Variants in RRM2 observed in about 807,000 individuals in gnomAD.
RRM2 encodes ribonucleotide reductase regulatory subunit M2.
Under a neutral mutation model 45.9 loss-of-function variants are expected in RRM2, and 6 were observed. The ratio of observed to expected loss-of-function variants is 0.13; its 90% confidence interval spans 0.07 to 0.26. RRM2 has a LOEUF of 0.26. Among genes scored for constraint, RRM2 ranks in the 10% least tolerant of loss-of-function variants. The pLI, the probability that RRM2 is intolerant of heterozygous loss-of-function variation, is 1.00. For synonymous variants in RRM2, 177 were observed against 173.0 expected (o/e 1.02, Z -0.18); for missense variants, 343 against 489.5 (o/e 0.70, Z 2.82).
At chr2:10,157,349 A>G (rs1454140873) in intron 3 of RRM2, among the ~76,000 whole-genome samples, 3 of 152,066 alleles carry the variant, frequency 2.0e-5, no homozygotes, top group Admixed American at 6.5e-5. Flanking sequence ...ATTTTTTTAA[A>G]CTAAATTATT....
At chr2:10,122,926 A>G in intron 1 of RRM2, 29 bp downstream of exon 1, 3 of 1,553,288 alleles carry the variant, frequency 1.9e-6, no homozygotes, top group East Asian at 4.7e-5. Flanking sequence ...CGCTGCGGGC[A>G]GGGGAGGGAG....
downstream of RRM2, among the ~76,000 whole-genome samples, chr2:10,132,541 G>T (rs1662921287): frequency 6.6e-6 from 1 of 152,190 alleles, no homozygotes; most frequent in South Asian, 2.1e-4. Context: ...TGAGGGCACA[G>T]ATTTTTATCT....
chr2:10,163,492 T>C (rs1375641048), intron 3 of RRM2, among the ~76,000 whole-genome samples: 1 of 152,052 alleles, frequency 6.6e-6, no homozygotes, highest in Non-Finnish European at 1.5e-5. Context: ...CCAGTGAGGG[T>C]TGGTTGTGTG....
At chr2:10,201,800 A>G (rs1293646875) in intron 3 of RRM2, among the ~76,000 whole-genome samples, 4 of 152,210 alleles carry the variant, frequency 2.6e-5, no homozygotes, top group Admixed American at 6.5e-5. Context: ...ACCTTGGAAC[A>G]CATACCAAAA....
chr2:10,183,905 T>A lies in RRM2; in HGVS notation n.483-26406T>A, dbSNP rs1391939445. Among the ~76,000 whole-genome samples, 10 of 151,122 alleles carry A rather than the reference T, an allele frequency of 6.6e-5. No homozygotes were observed. In the South Asian group the frequency reaches 2.1e-3, roughly 32 times the overall value. On this transcript the variant is annotated intron_variant and non_coding_transcript_variant, in intron 3 of 3. Coordinates refer to the RRM2 transcript ENST00000381786. Reference sequence around the variant, plus strand: ...GAGATCGAGACCATCCTGCCCAACATGGTGAAACCCTGTCTCTACTAAAAA... The same window carrying A: ...GAGATCGAGACCATCCTGCCCAACAAGGTGAAACCCTGTCTCTACTAAAAA...
At chr2:10,146,096 G>A (rs1411378966) in intron 3 of RRM2, 4 of 152,274 alleles carry the variant, frequency 2.6e-5, no homozygotes, top group African/African-American at 4.8e-5. Flanking sequence ...CAGCAGAAGG[G>A]TTTACATGTA....
At chr2:10,155,199 A>G in intron 3 of RRM2, 3 of 306,132 alleles carry the variant, frequency 9.8e-6, no homozygotes, top group East Asian at 9.6e-5. Context: ...GTCTTGATTC[A>G]GGGCCTAATG....
At chr2:10,190,563 G>A (rs1232290108) in intron 3 of RRM2, among the ~76,000 whole-genome samples, 1 of 151,110 alleles carries the variant, frequency 6.6e-6, no homozygotes, top group Non-Finnish European at 1.5e-5. Context: ...GATGGTGGTG[G>A]TGATGATGGT....
chr2:10,167,486 T>C (rs1343297640), intron 3 of RRM2, among the ~76,000 whole-genome samples: 3 of 152,158 alleles, frequency 2.0e-5, no homozygotes, highest in Non-Finnish European at 4.4e-5. Flanking sequence ...ATGTGGTAGC[T>C]GGTGAGTGTC....
chr2:10,142,999 G>C (rs11901208), intron 3 of RRM2, among the ~76,000 whole-genome samples: 1 of 152,172 alleles, frequency 6.6e-6, no homozygotes. Context: ...TCAGCCTCCC[G>C]TGTAGCTGGG....
intron 3 of RRM2, among the ~76,000 whole-genome samples, chr2:10,163,207 A>G (rs1663605136): frequency 6.6e-6 from 1 of 152,152 alleles, no homozygotes. Context: ...CTGCTCTTGG[A>G]AAGAAATCAG....
chr2:10,170,563 C>A (rs1663780114), intron 3 of RRM2, among the ~76,000 whole-genome samples: 1 of 152,142 alleles, frequency 6.6e-6, no homozygotes, highest in African/African-American at 2.4e-5. Context: ...CAAGGAGGCG[C>A]CTGGGCAGCT....
At chr2:10,196,437 G>A (rs1281789286) in intron 3 of RRM2, among the ~76,000 whole-genome samples, 1 of 152,238 alleles carries the variant, frequency 6.6e-6, no homozygotes, top group Non-Finnish European at 1.5e-5. Context: ...GACTGTGGCT[G>A]TTTCTGTGGT....
chr2:10,191,380 G>A (rs974025982), intron 3 of RRM2, among the ~76,000 whole-genome samples: 4 of 152,234 alleles, frequency 2.6e-5, no homozygotes, highest in African/African-American at 9.6e-5. Flanking sequence ...GATCACGTCT[G>A]TGAGAGGTCT....
chr2:10,137,094 T>A (rs1037546953), upstream of RRM2, among the ~76,000 whole-genome samples: 2 of 152,242 alleles, frequency 1.3e-5, no homozygotes, highest in African/African-American at 4.8e-5. Context: ...TCCTGCCACG[T>A]GCAGTCAGTT....
intron 4 of RRM2, chr2:10,124,098 T>G: frequency 2.3e-6 from 1 of 441,972 alleles, no homozygotes. Context: ...GGCCACCACA[T>G]CTGCCCCCTC....
intron 5 of RRM2, 41 bp from the exon 6 acceptor site, chr2:10,126,834 A>G (rs1164320200): frequency 6.7e-7 from 1 of 1,502,222 alleles, no homozygotes; most frequent in South Asian, 1.2e-5. Flanking sequence ...GAGGTCTTTT[A>G]CTGTAATGCT....
upstream of RRM2, among the ~76,000 whole-genome samples, chr2:10,139,875 G>T (rs144426049): frequency 4.1e-3 from 619 of 152,316 alleles, 3 homozygotes; most frequent in African/African-American, 0.014. Flanking sequence ...AACGGAGCAG[G>T]GGTCAGGAAA....
intron 3 of RRM2, among the ~76,000 whole-genome samples, chr2:10,148,401 G>GA (rs34065891): frequency 0.64 from 95,987 of 151,038 alleles, 30,995 homozygotes; most frequent in African/African-American, 0.7. Context: ...GGGACTAAAT[G>GA]AAAAAAAAAT....
Sources: gnomAD v4.1 joint callset for allele counts (sites outside exome capture counted in the v4.1 genomes callset) on GRCh38, gnomAD v4.1.1 for gene constraint, MANE v1.5 for transcripts, NCBI Gene and HGNC (gene_info 2026-07-23, HGNC 2026-07-21) for gene names.